Variants in ABCA3 observed in about 807,000 individuals in gnomAD.
The protein encoded by ABCA3 is ATP binding cassette subfamily A member 3, also known as phospholipid-transporting ATPase ABCA3.
In ABCA3, 88 loss-of-function variants were observed where a neutral mutation model predicts 172.8. That is an observed-to-expected ratio of 0.51 (90% CI 0.43 to 0.61). ABCA3 has a LOEUF of 0.61. Ranked by LOEUF, ABCA3 falls within the 20% of genes least tolerant of loss-of-function variation. The pLI is 0.00. For missense variants in ABCA3, 2,164 were observed against 2,301.0 expected (o/e 0.94, Z 1.22); for synonymous variants, 1,066 against 983.8 (o/e 1.08, Z -1.56).
Position 2,326,215 on chromosome 16 carries a change from G to A in ABCA3, c.114C>T (p.Ile38=), listed in dbSNP as rs777780916. ...GAATCTTCAAGCGGAGCCAGATGAG[G>A]ATCCCAGAAAACAGCAATGGCAGGA... ...ELFLPLLFSG[I]LIWLRLKIQS... The change falls in exon 5 of 33, where the codon ATC becomes ATT. Residue 38 remains isoleucine, a synonymous_variant. Coordinates refer to ENST00000301732, the MANE Select transcript of ABCA3 (RefSeq NM_001089.3). 10 of 1,613,964 alleles carry A rather than the reference G, an allele frequency of 6.2e-6. No homozygotes were observed. The highest frequency in any genetic ancestry group is 8.5e-6 in the Non-Finnish European group (10 of 1,180,058).
At chr16:2,331,980 A>G (rs914072111) in intron 1 of ABCA3, among the ~76,000 whole-genome samples, 1 of 152,160 alleles carries the variant, frequency 6.6e-6, no homozygotes, top group Non-Finnish European at 1.5e-5. Flanking sequence ...TAAAATATTA[A>G]ACATCACACA....
In ABCA3 at chr16:2,277,789, C is replaced by T. The variant is rs962480046; in HGVS notation, c.4909+90G>A. 1.8e-5 allele frequency: 29 copies of T among 1,591,430 alleles called. No individual in the cohort carries two copies. The highest frequency in any genetic ancestry group is 1.8e-4 in the Middle Eastern group (1 of 5,490). ...ATTGGGGAGATGGGACTTGGCGGGGCGAGGCACAGACGCTCCGCACAGCAG... is the reference window on the plus strand; with the variant it reads ...ATTGGGGAGATGGGACTTGGCGGGGTGAGGCACAGACGCTCCGCACAGCAG... On this transcript the variant is annotated intron_variant, in intron 31 of 32. Transcript: ENST00000301732. This position sits in a 1 kb window ranked among gnomAD's most constrained non-coding sequence, Gnocchi z 5.3.
intron 10 of ABCA3, among the ~76,000 whole-genome samples, chr16:2,315,163 G>A (rs958842324): frequency 2.0e-5 from 3 of 151,242 alleles, no homozygotes; most frequent in Middle Eastern, 3.2e-3. Context: ...GATTACAGGC[G>A]TGAGCCATGG....
At chr16:2,332,540 C>T in intron 1 of ABCA3, 2 of 1,055,224 alleles carry the variant, frequency 1.9e-6, no homozygotes, top group East Asian at 2.4e-5. Context: ...CCACCCTCCA[C>T]ACGGACACGA....
Position 2,292,128 on chromosome 16 carries a change from G to A in ABCA3, c.2513+12C>T, listed in dbSNP as rs761237312. ...CCCAGTCCTAGGTGGACGGAAATGC[G>A]CATTTACTGACCGAAGGAAGACTTC... On this transcript the variant is annotated intron_variant, in intron 19 of 32. Coordinates refer to ENST00000301732, the MANE Select transcript of ABCA3 (RefSeq NM_001089.3). 1.6e-5 allele frequency: 26 copies of A among 1,602,874 alleles called. No homozygotes were observed. Among genetic ancestry groups the A allele is most frequent in the African/African-American group, 2.7e-5 (2 of 74,564 alleles).
chr16:2,299,481 TGAG>T lies in ABCA3; in HGVS notation c.1660_1662del (p.Leu554del). On this transcript the variant is annotated inframe_deletion, in exon 14 of 33. Transcript: ENST00000301732. ...ACGGTGATCTGTCCCTCGTACAGGT[TGAG>T]GTTCAGGTCTCTGACGGCCGCCCTG... 1 of 1,613,854 alleles carries T rather than the reference TGAG, an allele frequency of 6.2e-7. No homozygotes were observed. The highest frequency in any genetic ancestry group is 8.5e-7 in the Non-Finnish European group (1 of 1,179,970).
intron 1 of ABCA3, among the ~76,000 whole-genome samples, chr16:2,330,288 C>CAA (rs562749881): frequency 9.0e-5 from 7 of 77,918 alleles, no homozygotes; most frequent in Admixed American, 1.5e-4. Context: ...GACCCTGTCT[C>CAA]AAAAAAAAAA....
chr16:2,297,628 C>A lies in ABCA3; in HGVS notation c.2053-89G>T. On this transcript the variant is annotated intron_variant, in intron 16 of 32. Transcript: ENST00000301732. This position sits in a 1 kb window ranked among gnomAD's most constrained non-coding sequence, Gnocchi z 5.6. The stretch of plus-strand genomic sequence containing the variant: ...GCGGTAGGCCCCATCGAGGGGTTCG[C>A]GGAGCCGGCTTGAGTCCTCCAAGGA... 6.3e-7 allele frequency: 1 copy of A among 1,590,616 alleles called. No homozygotes were observed.
chr16:2,318,989 C>T (rs2093721199), intron 8 of ABCA3, among the ~76,000 whole-genome samples: 1 of 151,636 alleles, frequency 6.6e-6, no homozygotes, highest in Non-Finnish European at 1.5e-5. Flanking sequence ...TTATAGCCCA[C>T]TGCTGACTCC....
At chr16:2,335,450 T>C (rs1031948823) in intron 1 of ABCA3, among the ~76,000 whole-genome samples, 1 of 151,660 alleles carries the variant, frequency 6.6e-6, no homozygotes, top group African/African-American at 2.4e-5. Context: ...TGGCTTTTTT[T>C]TGTAGAGACG....
In ABCA3 at chr16:2,284,974, G is replaced by C; in HGVS notation, c.3508C>G (p.Arg1170Gly). ...ATGTGGCCGTCCCGCGTGAAGGCAC[G>C]CACGTCGAAGGCCTTAAACACCACC... is the stretch of plus-strand genomic sequence containing the variant. ...LLVVFKAFDVRAFTRDGHMAD... is the reference protein window; with the variant it reads ...LLVVFKAFDVGAFTRDGHMAD... The change falls in exon 24 of 33, where the codon CGT becomes GGT. Residue 1170 changes from arginine to glycine, a missense_variant. This residue lies in a region of ABCA3 where 795 missense variants were observed against 881.9 expected (regional missense o/e 0.90). Coordinates refer to ENST00000301732, the MANE Select transcript of ABCA3 (RefSeq NM_001089.3). The surrounding 1 kb of genome is among the most constrained non-coding windows in gnomAD (Gnocchi z 5.9). 1 of 1,613,566 alleles carries C rather than the reference G, an allele frequency of 6.2e-7. No individual in the cohort carries two copies. The highest frequency in any genetic ancestry group is 8.5e-7 in the Non-Finnish European group (1 of 1,179,954).
intron 20 of ABCA3, 101 bp from the exon 21 acceptor site, chr16:2,288,430 G>A: frequency 7.3e-7 from 1 of 1,364,578 alleles, no homozygotes; most frequent in Non-Finnish European, 9.9e-7. Flanking sequence ...CGCCAGCCTG[G>A]GGGCCTGCAG....
chr16:2,290,024 G>T (rs770583061), intron 19 of ABCA3, among the ~76,000 whole-genome samples: 1 of 143,092 alleles, frequency 7.0e-6, no homozygotes, highest in East Asian at 2.0e-4. Context: ...GCTCCCCGCC[G>T]ATTAGGAAAC....
chr16:2,284,259 G>A lies in ABCA3; in HGVS notation c.3862+20C>T. The A allele has an allele frequency of 3.1e-6, 5 of 1,609,138 alleles. No individual in the cohort carries two copies. Among genetic ancestry groups the A allele is most frequent in the Non-Finnish European group, 4.2e-6 (5 of 1,176,628 alleles). On this transcript the variant is annotated intron_variant, in intron 25 of 32. Transcript: ENST00000301732. This position sits in a 1 kb window ranked among gnomAD's most constrained non-coding sequence, Gnocchi z 5.9. Reference sequence around the variant, plus strand: ...TGAGGACGCAGGGGTGCTGCCCGGGGTCGGGGCTGGGACACTCACTATATT... The same window carrying A: ...TGAGGACGCAGGGGTGCTGCCCGGGATCGGGGCTGGGACACTCACTATATT...
At position 2,278,145 on chromosome 16, in the gene ABCA3, G is replaced by T; in HGVS notation, c.4719-76C>A. 1 of 1,601,414 alleles carries T rather than the reference G, an allele frequency of 6.2e-7. No homozygotes were observed. Among genetic ancestry groups the T allele is most frequent in the East Asian group, 2.2e-5 (1 of 44,734 alleles). On this transcript the variant is annotated intron_variant, in intron 30 of 32. Transcript: ENST00000301732. This position sits in a 1 kb window ranked among gnomAD's most constrained non-coding sequence, Gnocchi z 4.4. The stretch of plus-strand genomic sequence containing the variant: ...GCAGACAGGAAGGCATTGGCTCTCC[G>T]ATCAGGCTGTTCCTGATACCCATGC...
Position 2,308,538 on chromosome 16 carries a change from C to T in ABCA3, c.1197G>A (p.Met399Ile). ...YFFVAPRYNW[M>I]TLSQKLCSCL... is the part of the protein sequence containing the mutation. ...AGGAGCAGAGCTTCTGGCTCAGAGT[C>T]ATCCAGTTGTACCGAGGGGCCACGA... Residue 399 changes from methionine (M) to isoleucine (I), a missense_variant, in exon 11 of 33, where the codon ATG becomes ATA. Coordinates refer to ENST00000301732, the MANE Select transcript of ABCA3 (RefSeq NM_001089.3). 1 of 1,614,224 alleles carries T rather than the reference C, an allele frequency of 6.2e-7. No individual in the cohort carries two copies. Among genetic ancestry groups the T allele is most frequent in the Non-Finnish European group, 8.5e-7 (1 of 1,180,054 alleles).
intron 7 of ABCA3, 46 bp from the exon 8 acceptor site, chr16:2,319,886 T>A (rs2093723096): frequency 1.2e-6 from 2 of 1,609,866 alleles, no homozygotes; most frequent in Admixed American, 1.7e-5. Context: ...GAGGAGCTGC[T>A]CTCGAGGGCA....
intron 12 of ABCA3, among the ~76,000 whole-genome samples, chr16:2,301,880 A>G (rs1213327459): frequency 6.6e-6 from 1 of 152,238 alleles, no homozygotes; most frequent in Non-Finnish European, 1.5e-5. Flanking sequence ...AAAACTGGCC[A>G]TAAATAAAAT....
intron 10 of ABCA3, among the ~76,000 whole-genome samples, chr16:2,312,412 T>C (rs777209790): frequency 5.9e-5 from 9 of 152,362 alleles, no homozygotes; most frequent in South Asian, 2.1e-4. Flanking sequence ...GTACTTTATG[T>C]GTACATCCCA....
Sources: gnomAD v4.1 joint callset for allele counts (sites outside exome capture counted in the v4.1 genomes callset) on GRCh38, gnomAD v4.1.1 for gene constraint, gnomAD v4.1.1 regional missense constraint, Gnocchi (gnomAD v3.1) non-coding constraint, MANE v1.5 for transcripts, NCBI Gene and HGNC (gene_info 2026-07-23, HGNC 2026-07-21) for gene names.